PXDN: variants seen among roughly 807,000 people sequenced by gnomAD.
PXDN encodes the protein peroxidasin homolog.
In PXDN, 77 loss-of-function variants were observed where a neutral mutation model predicts 140.3. The ratio of observed to expected loss-of-function variants is 0.55; its 90% confidence interval spans 0.46 to 0.66. PXDN has a LOEUF of 0.66. Ranked by LOEUF, PXDN falls within the 30% of genes least tolerant of loss-of-function variation. The pLI, the probability that PXDN is intolerant of heterozygous loss-of-function variation, is 0.00. For synonymous variants in PXDN, 911 were observed against 857.4 expected, an observed-to-expected ratio of 1.06 and a Z score of -1.09; for missense variants, 1,838 against 2,039.5, an observed-to-expected ratio of 0.90 and a Z score of 1.90.
In PXDN at chr2:1,649,602, G is replaced by A. The variant is rs778784145; in HGVS notation, c.2178C>T (p.His726=). 3.0e-5 allele frequency: 48 copies of A among 1,613,918 alleles called. No individual in the cohort carries two copies. Among genetic ancestry groups the A allele is most frequent in the Non-Finnish European group, 3.6e-5 (42 of 1,179,898 alleles). The part of the protein sequence containing the change: ...LIANLSGCTA[H]RRVNNCSDMC... ...TGTCCGAGCAGTTGTTCACGCGCCG[G>A]TGGGCGGTACAGCCCGACAGGTTTG... The change falls in exon 17 of 23, where the codon CAC becomes CAT. Residue 726 remains histidine (H), a synonymous_variant. Coordinates refer to ENST00000252804, the MANE Select transcript of PXDN (RefSeq NM_012293.3). This position sits in a 1 kb window ranked among gnomAD's most constrained non-coding sequence, Gnocchi z 7.1.
Position 1,693,141 on chromosome 2 carries a change from A to C in PXDN, c.201-7T>G. 1.3e-6 allele frequency: 2 copies of C among 1,544,128 alleles called. No individual in the cohort carries two copies. Among genetic ancestry groups the C allele is most frequent in the Non-Finnish European group, 1.8e-6 (2 of 1,141,456 alleles). ...TCTGTTAAAGCGAAGATCTCTGTGA[A>C]GAAACAAGAAAGGTATTATTACGTG... On this transcript the variant is annotated splice_polypyrimidine_tract_variant and splice_region_variant and intron_variant, in intron 1 of 22. Transcript: ENST00000252804.
At chr2:1,681,404 A>G (rs1683901318) in intron 6 of PXDN, among the ~76,000 whole-genome samples, 1 of 151,840 alleles carries the variant, frequency 6.6e-6, no homozygotes, top group East Asian at 1.9e-4. Flanking sequence ...CAAGGACCCC[A>G]TCTTTCGCTG....
intron 1 of PXDN, among the ~76,000 whole-genome samples, chr2:1,710,319 G>A (rs113553526): frequency 2.6e-5 from 4 of 152,292 alleles, no homozygotes; most frequent in African/African-American, 4.8e-5. Flanking sequence ...AAGTCTGACC[G>A]TAGCACATGG....
At chr2:1,732,298 G>A (rs1420054806) in intron 1 of PXDN, among the ~76,000 whole-genome samples, 3 of 152,164 alleles carry the variant, frequency 2.0e-5, no homozygotes, top group African/African-American at 7.2e-5. Context: ...TCCCGGGATA[G>A]GGAGAGAAAA....
intron 1 of PXDN, among the ~76,000 whole-genome samples, chr2:1,737,473 A>G (rs1291573386): frequency 6.6e-6 from 1 of 151,792 alleles, no homozygotes; most frequent in Non-Finnish European, 1.5e-5. Flanking sequence ...CATCTTTTAG[A>G]TTTACTATTT....
At chr2:1,735,779 G>C (rs1477040690) in intron 1 of PXDN, among the ~76,000 whole-genome samples, 3 of 152,158 alleles carry the variant, frequency 2.0e-5, no homozygotes, top group Non-Finnish European at 4.4e-5. Flanking sequence ...CCTACCAAGA[G>C]TTCACCCTGT....
At chr2:1,703,422 A>G (rs1168215705) in intron 1 of PXDN, among the ~76,000 whole-genome samples, 4 of 42,906 alleles carry the variant, frequency 9.3e-5, no homozygotes, top group Admixed American at 2.4e-4. Context: ...TGAAGGAGGG[A>G]CAACTCCAGG....
intron 8 of PXDN, chr2:1,676,604 G>C (rs1322428816): frequency 7.9e-6 from 3 of 378,488 alleles, no homozygotes; most frequent in Non-Finnish European, 1.5e-5. Context: ...GCTGCTGCCA[G>C]ACGTCAGCAG....
chr2:1,674,027 A>G (rs892119242), intron 8 of PXDN, among the ~76,000 whole-genome samples: 10 of 152,230 alleles, frequency 6.6e-5, no homozygotes, highest in Non-Finnish European at 1.2e-4. Context: ...TCAGGTACTT[A>G]TCCTTAGTAT....
intron 1 of PXDN, among the ~76,000 whole-genome samples, chr2:1,739,307 C>T (rs560893936): frequency 4.6e-5 from 7 of 152,108 alleles, no homozygotes; most frequent in African/African-American, 1.4e-4. Context: ...TGAGTCAGAA[C>T]AACAGAGAAG....
intron 19 of PXDN, among the ~76,000 whole-genome samples, chr2:1,640,066 C>T (rs1461497078): frequency 6.9e-6 from 1 of 145,212 alleles, no homozygotes; most frequent in Non-Finnish European, 1.5e-5. Context: ...GCCCTCAGTG[C>T]CGTGTCCCTC....
chr2:1,680,128 G>C (rs546347583), intron 7 of PXDN, 65 bp downstream of exon 7: 1 of 1,467,476 alleles, frequency 6.8e-7, no homozygotes, highest in Non-Finnish European at 9.2e-7. Flanking sequence ...GATGGTGTGT[G>C]TGTGGATGGT....
rs1684095863 is a variant in PXDN at position 1,687,809 on chromosome 2, A to G, written c.345-106T>C. 1.2e-6 allele frequency: 1 copy of G among 832,494 alleles called. No individual in the cohort carries two copies. Among genetic ancestry groups the G allele is most frequent in the Non-Finnish European group, 1.9e-6 (1 of 533,088 alleles). 51.6% of individuals were successfully genotyped at this position (832,494 alleles called of 1,614,324 possible). On this transcript the variant is annotated intron_variant, in intron 3 of 22. Coordinates refer to ENST00000252804, the MANE Select transcript of PXDN (RefSeq NM_012293.3). The surrounding 1 kb of genome is among the most constrained non-coding windows in gnomAD (Gnocchi z 4.0). ...CATGGAGACAGTTTTACAATTAATGACTGTATTAGAATGCAAACAAACCAT... is the reference window on the plus strand; with the variant it reads ...CATGGAGACAGTTTTACAATTAATGGCTGTATTAGAATGCAAACAAACCAT...
At chr2:1,674,251 C>G (rs910605380) in intron 8 of PXDN, among the ~76,000 whole-genome samples, 3 of 152,190 alleles carry the variant, frequency 2.0e-5, no homozygotes, top group African/African-American at 7.2e-5. Flanking sequence ...ACTCTGCAGC[C>G]CAGGCTGGAG....
intron 6 of PXDN, among the ~76,000 whole-genome samples, chr2:1,683,118 A>G: frequency 6.6e-6 from 1 of 151,316 alleles, no homozygotes; most frequent in African/African-American, 2.4e-5. Flanking sequence ...ATGGTGGCTT[A>G]TGCCTGTAAT....
chr2:1,689,519 A>T (rs1316588121), intron 3 of PXDN, among the ~76,000 whole-genome samples: 1 of 152,200 alleles, frequency 6.6e-6, no homozygotes, highest in African/African-American at 2.4e-5. Flanking sequence ...GTGGTGGCTC[A>T]TGCCTGTAAT....
rs149963106 is a variant in PXDN, at chr2:1,730,867, G to A, written c.200+13389C>T. Among the ~76,000 whole-genome samples, 296 of 151,958 alleles carry A rather than the reference G, an allele frequency of 1.9e-3. 2 individuals carry two copies. The highest frequency in any genetic ancestry group is 7.0e-3 in the African/African-American group (289 of 41,384). On this transcript the variant is annotated intron_variant, in intron 1 of 22. Transcript: ENST00000252804. Reference sequence around the variant, plus strand: ...TCGCTGAAACCATTCTACCCTTAGCGCAATAATCACACTGGGCCATGATGC... The same window carrying A: ...TCGCTGAAACCATTCTACCCTTAGCACAATAATCACACTGGGCCATGATGC...
At chr2:1,739,056 C>T (rs966191910) in intron 1 of PXDN, among the ~76,000 whole-genome samples, 1 of 152,168 alleles carries the variant, frequency 6.6e-6, no homozygotes, top group Non-Finnish European at 1.5e-5. Flanking sequence ...CCAGTGTGTT[C>T]CGGGAAGATC....
chr2:1,720,629 T>TTC (rs1685020080), intron 1 of PXDN, among the ~76,000 whole-genome samples: 1 of 151,118 alleles, frequency 6.6e-6, no homozygotes, highest in Non-Finnish European at 1.5e-5. Flanking sequence ...CTGCATCTCT[T>TTC]TCTCTCTCTC....
Sources: allele counts gnomAD v4.1 joint callset (sites outside exome capture counted in the v4.1 genomes callset), GRCh38; gene constraint gnomAD v4.1.1; non-coding constraint Gnocchi (gnomAD v3.1); transcripts MANE v1.5; gene names NCBI Gene and HGNC (gene_info 2026-07-23, HGNC 2026-07-21).